The following SLC22A23 variants were observed in gnomAD, a reference collection of about 807,000 sequenced individuals.
SLC22A23 encodes ion transporter protein.
Under a neutral mutation model 61.0 loss-of-function variants are expected in SLC22A23, and 26 were observed. The ratio of observed to expected loss-of-function variants is 0.43; its 90% confidence interval spans 0.31 to 0.59. SLC22A23 has a LOEUF of 0.59. Among genes scored for constraint, SLC22A23 ranks in the 20% least tolerant of loss-of-function variants. SLC22A23 has a pLI of 0.11. For missense variants in SLC22A23, 796 were observed against 934.7 expected (o/e 0.85, Z 1.94); for synonymous variants, 430 against 413.9 (o/e 1.04, Z -0.47).
chr6:3,379,809 C>T (rs561736785), intron 3 of SLC22A23, among the ~76,000 whole-genome samples: 15 of 152,312 alleles, frequency 9.8e-5, no homozygotes, highest in Middle Eastern at 3.4e-3. Flanking sequence ...GACTACTCAA[C>T]GAGCTGCCCT....
At chr6:3,319,435 C>T (rs1352267383) in intron 4 of SLC22A23, among the ~76,000 whole-genome samples, 2 of 152,184 alleles carry the variant, frequency 1.3e-5, no homozygotes, top group African/African-American at 4.8e-5. Context: ...CTACTTGGTA[C>T]GTAGCACTAT....
Position 3,400,459 on chromosome 6 carries a change from T to TC in SLC22A23, c.913+9728dup, listed in dbSNP as rs544183756. On this transcript the variant is annotated intron_variant, in intron 3 of 9. Coordinates refer to ENST00000406686, the MANE Select transcript of SLC22A23 (RefSeq NM_015482.2). Reference sequence around the variant, plus strand: ...CAGTAGGATGGTATCTCAGGGCAGCTCTGGTGCTTGCAGTAGGATGGTGGC... The same window carrying TC: ...CAGTAGGATGGTATCTCAGGGCAGCTCCTGGTGCTTGCAGTAGGATGGTGGC... Among the ~76,000 whole-genome samples, 122 of 152,294 alleles carry TC rather than the reference T, an allele frequency of 8.0e-4. No individual in the cohort carries two copies. In the South Asian group the frequency reaches 0.025, roughly 31 times the overall value.
At chr6:3,358,421 G>A (rs1046815403) in intron 3 of SLC22A23, among the ~76,000 whole-genome samples, 1 of 152,138 alleles carries the variant, frequency 6.6e-6, no homozygotes, top group African/African-American at 2.4e-5. Context: ...TGACACGTAC[G>A]ACACGTGGAT....
intron 3 of SLC22A23, among the ~76,000 whole-genome samples, chr6:3,353,799 C>T (rs1224403356): frequency 6.6e-6 from 1 of 152,164 alleles, no homozygotes; most frequent in Non-Finnish European, 1.5e-5. Context: ...CACACCATTC[C>T]CCCACCTTCT....
At chr6:3,450,486 T>C (rs1772111773) in intron 1 of SLC22A23, among the ~76,000 whole-genome samples, 1 of 152,166 alleles carries the variant, frequency 6.6e-6, no homozygotes, top group African/African-American at 2.4e-5. Flanking sequence ...TTTGTATTTT[T>C]AGTAGAGATG....
chr6:3,438,060 C>T (rs1030608407), intron 1 of SLC22A23, among the ~76,000 whole-genome samples: 2 of 152,164 alleles, frequency 1.3e-5, no homozygotes, highest in African/African-American at 4.8e-5. Flanking sequence ...TTGTTGCCTG[C>T]TTGAAAGTAG....
chr6:3,296,704 C>T (rs1259619503), intron 5 of SLC22A23, among the ~76,000 whole-genome samples: 2 of 152,090 alleles, frequency 1.3e-5, no homozygotes, highest in Admixed American at 1.3e-4. Context: ...TTCAGGCGTC[C>T]CTGGGTAGGC....
chr6:3,394,620 C>A (rs1479915395), intron 3 of SLC22A23, among the ~76,000 whole-genome samples: 1 of 152,138 alleles, frequency 6.6e-6, no homozygotes, highest in Non-Finnish European at 1.5e-5. Flanking sequence ...AAGGGTGTGA[C>A]CCCCAGAGTG....
intron 4 of SLC22A23, among the ~76,000 whole-genome samples, chr6:3,300,846 C>A (rs936026095): frequency 1.3e-5 from 2 of 152,198 alleles, no homozygotes; most frequent in Admixed American, 6.5e-5. Context: ...AATGATAACT[C>A]ACTCTGGAAG....
At chr6:3,447,154 A>AC (rs1771935915) in intron 1 of SLC22A23, among the ~76,000 whole-genome samples, 1 of 151,926 alleles carries the variant, frequency 6.6e-6, no homozygotes, top group South Asian at 2.1e-4. Flanking sequence ...AGCCATCGCC[A>AC]CCCCCCATTC....
chr6:3,453,046 C>G (rs1032749782), intron 1 of SLC22A23, among the ~76,000 whole-genome samples: 2 of 152,138 alleles, frequency 1.3e-5, no homozygotes, highest in Non-Finnish European at 2.9e-5. Context: ...AGGGGAAGGA[C>G]AGTATCCATC....
Position 3,449,889 on chromosome 6 carries a change from C to T in SLC22A23, c.654+6017G>A, listed in dbSNP as rs535844668. Reference sequence around the variant, plus strand: ...TATAACAGCAAAGACTGGAGACAAACTTAATGCTTCCTCGGTAAGTGATTA... The same window carrying T: ...TATAACAGCAAAGACTGGAGACAAATTTAATGCTTCCTCGGTAAGTGATTA... On this transcript the variant is annotated intron_variant, in intron 1 of 9. Transcript: ENST00000406686. Among the ~76,000 whole-genome samples, 6 of 152,322 alleles carry T rather than the reference C, an allele frequency of 3.9e-5. No individual in the cohort carries two copies. In the South Asian group the frequency reaches 1.2e-3, roughly 32 times the overall value.
chr6:3,284,288 C>T (rs552032397), intron 8 of SLC22A23, among the ~76,000 whole-genome samples: 2 of 152,270 alleles, frequency 1.3e-5, no homozygotes, highest in East Asian at 1.9e-4. Context: ...GGTGCCACAG[C>T]GACATCCCTC....
intron 3 of SLC22A23, among the ~76,000 whole-genome samples, chr6:3,361,843 C>T (rs893150325): frequency 3.9e-5 from 6 of 152,298 alleles, no homozygotes; most frequent in Admixed American, 1.3e-4. Context: ...AAACACGTGC[C>T]GGTTCTCACG....
intron 4 of SLC22A23, among the ~76,000 whole-genome samples, chr6:3,314,891 C>T (rs1283240801): frequency 6.6e-6 from 1 of 152,144 alleles, no homozygotes; most frequent in East Asian, 1.9e-4. Context: ...CGGTTCTGTT[C>T]CTTACTCTCC....
At chr6:3,440,139 G>A (rs1030930309) in intron 1 of SLC22A23, among the ~76,000 whole-genome samples, 1 of 152,110 alleles carries the variant, frequency 6.6e-6, no homozygotes, top group African/African-American at 2.4e-5. Context: ...CACAAGAGAG[G>A]GCCAGTCCAG....
intron 1 of SLC22A23, among the ~76,000 whole-genome samples, chr6:3,452,756 G>T (rs970713135): frequency 1.3e-5 from 2 of 151,340 alleles, no homozygotes; most frequent in Non-Finnish European, 2.9e-5. Context: ...TCATTATTTT[G>T]AAGGCATTGC....
rs1477780466 is a variant in SLC22A23 at position 3,317,007 on chromosome 6, T to C, written c.1082+6827A>G. Among the ~76,000 whole-genome samples, 2 of 151,998 alleles carry C rather than the reference T, an allele frequency of 1.3e-5. No individual in the cohort carries two copies. The highest frequency in any genetic ancestry group is 2.9e-5 in the Non-Finnish European group (2 of 68,000). On this transcript the variant is annotated intron_variant, in intron 4 of 9. Coordinates refer to ENST00000406686, the MANE Select transcript of SLC22A23 (RefSeq NM_015482.2). The surrounding 1 kb of genome is among the most constrained non-coding windows in gnomAD (Gnocchi z 4.4). ...GGCATGCACCAACGTTTTGGGAGAG[T>C]GGCGCTCACATCTCCACTATCTCCA...
At chr6:3,314,070 G>A (rs1425635204) in intron 4 of SLC22A23, among the ~76,000 whole-genome samples, 1 of 152,208 alleles carries the variant, frequency 6.6e-6, no homozygotes, top group Non-Finnish European at 1.5e-5. Flanking sequence ...TCATTTCAAC[G>A]ATAACAAGAA....
Sources: allele counts gnomAD v4.1 joint callset (sites outside exome capture counted in the v4.1 genomes callset), GRCh38; gene constraint gnomAD v4.1.1; non-coding constraint Gnocchi (gnomAD v3.1); transcripts MANE v1.5; gene names NCBI Gene and HGNC (gene_info 2026-07-23, HGNC 2026-07-21).